The following RABGAP1L variants were observed in gnomAD, a reference collection of about 807,000 sequenced individuals.
RABGAP1L encodes the protein rab GTPase-activating protein 1-like.
RABGAP1L carries 63 observed loss-of-function variants against 137.7 expected under a neutral mutation model. That is an observed-to-expected ratio of 0.46 (90% CI 0.37 to 0.56). RABGAP1L has a LOEUF of 0.56. Ranked by LOEUF, RABGAP1L falls within the 20% of genes least tolerant of loss-of-function variation. The pLI is 0.00. For synonymous variants in RABGAP1L, 431 were observed against 433.7 expected, an observed-to-expected ratio of 0.99 and a Z score of 0.08; for missense variants, 1,095 against 1,244.0, an observed-to-expected ratio of 0.88 and a Z score of 1.80.
intron 14 of RABGAP1L, among the ~76,000 whole-genome samples, chr1:174,649,868 A>G (rs1452639683): frequency 2.6e-5 from 4 of 152,026 alleles, no homozygotes; most frequent in Non-Finnish European, 4.4e-5. Context: ...TTCCAACACT[A>G]TGTTGAATAG....
intron 13 of RABGAP1L, among the ~76,000 whole-genome samples, chr1:174,410,465 G>A (rs1267136353): frequency 6.6e-6 from 1 of 152,108 alleles, no homozygotes; most frequent in African/African-American, 2.4e-5. Context: ...CAGGGATAAT[G>A]TGTGGCTAAG....
At chr1:174,823,501 GAA>G (rs1691251308) in intron 19 of RABGAP1L, among the ~76,000 whole-genome samples, 1 of 152,086 alleles carries the variant, frequency 6.6e-6, no homozygotes, top group African/African-American at 2.4e-5. Context: ...ATTTACAGAA[GAA>G]AAGAAAACAT....
intron 20 of RABGAP1L, among the ~76,000 whole-genome samples, chr1:174,965,899 C>T (rs891264229): frequency 6.6e-6 from 1 of 152,190 alleles, no homozygotes; most frequent in African/African-American, 2.4e-5. Flanking sequence ...CCCACCCTTG[C>T]CCTTGCCCCT....
chr1:174,274,320 A>G (rs949598548), intron 8 of RABGAP1L, among the ~76,000 whole-genome samples: 1 of 152,086 alleles, frequency 6.6e-6, no homozygotes, highest in Non-Finnish European at 1.5e-5. Flanking sequence ...GAGTAAGAAA[A>G]TTTCCGTGAA....
At chr1:174,493,572 C>A (rs1261548820) in intron 13 of RABGAP1L, among the ~76,000 whole-genome samples, 1 of 151,734 alleles carries the variant, frequency 6.6e-6, no homozygotes, top group Non-Finnish European at 1.5e-5. Flanking sequence ...GTAATCCTAG[C>A]ACTTTGGGAG....
chr1:174,303,935 G>A (rs957386757), intron 10 of RABGAP1L, among the ~76,000 whole-genome samples: 4 of 152,078 alleles, frequency 2.6e-5, no homozygotes, highest in African/African-American at 4.8e-5. Flanking sequence ...GCACTGGACA[G>A]GGCTTCCATG....
At chr1:174,970,408 T>C (rs898938853) in intron 21 of RABGAP1L, among the ~76,000 whole-genome samples, 1 of 152,240 alleles carries the variant, frequency 6.6e-6, no homozygotes, top group African/African-American at 2.4e-5. Flanking sequence ...AATTTTCTTA[T>C]GATGGCTGAC....
At chr1:174,492,232 G>A (rs1201891826) in intron 13 of RABGAP1L, among the ~76,000 whole-genome samples, 1 of 145,304 alleles carries the variant, frequency 6.9e-6, no homozygotes, top group African/African-American at 2.6e-5. Flanking sequence ...TCAGACTGGA[G>A]TACAGTGGCA....
At chr1:174,347,519 G>T in intron 11 of RABGAP1L, among the ~76,000 whole-genome samples, 1 of 149,354 alleles carries the variant, frequency 6.7e-6, no homozygotes, top group Admixed American at 6.7e-5. Flanking sequence ...TTGAGACTGA[G>T]TCTTGCTCTG....
chr1:174,161,094 G>C (rs903886060), intron 1 of RABGAP1L, among the ~76,000 whole-genome samples: 3 of 152,054 alleles, frequency 2.0e-5, no homozygotes, highest in Non-Finnish European at 4.4e-5. Flanking sequence ...AGTTAGACTG[G>C]TGTCTATACT....
intron 14 of RABGAP1L, among the ~76,000 whole-genome samples, chr1:174,658,374 C>T (rs780614356): frequency 1.3e-5 from 2 of 152,080 alleles, no homozygotes; most frequent in Non-Finnish European, 2.9e-5. Context: ...GGATTCATAG[C>T]AGTATTTCCA....
intron 12 of RABGAP1L, among the ~76,000 whole-genome samples, chr1:174,378,637 GT>G (rs1268753818): frequency 4.6e-5 from 7 of 152,008 alleles, no homozygotes; most frequent in Non-Finnish European, 8.8e-5. Flanking sequence ...GGGATTGTTT[GT>G]TTTTTTCTTG....
chr1:174,237,366 C>T (rs867058489), intron 4 of RABGAP1L, among the ~76,000 whole-genome samples: 35 of 65,444 alleles, frequency 5.3e-4, no homozygotes, highest in African/African-American at 2.0e-3. Context: ...TTCCTAGTCT[C>T]GATGGTCTTT....
At chr1:174,253,339 A>G (rs1234205924) in intron 7 of RABGAP1L, among the ~76,000 whole-genome samples, 1 of 152,206 alleles carries the variant, frequency 6.6e-6, no homozygotes, top group Admixed American at 6.5e-5. Flanking sequence ...GGGAATTCTC[A>G]TACTGTTAAT....
intron 13 of RABGAP1L, among the ~76,000 whole-genome samples, chr1:174,497,600 G>T (rs1351713638): frequency 6.6e-6 from 1 of 151,990 alleles, no homozygotes; most frequent in African/African-American, 2.4e-5. Context: ...TTTATTGCCT[G>T]AGGTCTTTCT....
chr1:174,160,137 C>G (rs771189231), intron 1 of RABGAP1L: 5 of 152,858 alleles, frequency 3.3e-5, no homozygotes, highest in South Asian at 4.1e-4. Context: ...CTTCCTCCGC[C>G]GAGCACTTTG....
At chr1:174,664,973 G>A (rs1676674306) in intron 14 of RABGAP1L, among the ~76,000 whole-genome samples, 1 of 152,078 alleles carries the variant, frequency 6.6e-6, no homozygotes, top group Admixed American at 6.5e-5. Context: ...CCGACCTCAG[G>A]TGATCCGTTC....
intron 4 of RABGAP1L, among the ~76,000 whole-genome samples, chr1:174,240,676 G>T (rs1250924128): frequency 6.6e-6 from 1 of 152,198 alleles, no homozygotes; most frequent in African/African-American, 2.4e-5. Context: ...GGTAGAAAGG[G>T]CCTCAGTTGA....
intron 13 of RABGAP1L, chr1:174,548,271 C>A: frequency 7.4e-7 from 1 of 1,354,718 alleles, no homozygotes; most frequent in Non-Finnish European, 9.5e-7. Context: ...AAACTCTTTG[C>A]TATATAACAT....
Sources: gnomAD v4.1 joint callset for allele counts (sites outside exome capture counted in the v4.1 genomes callset) on GRCh38, gnomAD v4.1.1 for gene constraint, MANE v1.5 for transcripts, NCBI Gene and HGNC (gene_info 2026-07-23, HGNC 2026-07-21) for gene names.